The following LGSN variants were observed in gnomAD, a reference collection of about 807,000 sequenced individuals.
LGSN encodes lengsin, lens protein with glutamine synthetase domain.
In LGSN, 21 loss-of-function variants were observed where a neutral mutation model predicts 19.5. That is an observed-to-expected ratio of 1.07 (90% CI 0.76 to 1.55). LGSN has a LOEUF of 1.55. Among genes scored for constraint, LGSN ranks in the 40% most tolerant of loss-of-function variants. LGSN has a pLI of 0.00. For synonymous variants in LGSN, 257 were observed against 215.6 expected, an observed-to-expected ratio of 1.19 and a Z score of -1.68; for missense variants, 673 against 608.5, an observed-to-expected ratio of 1.11 and a Z score of -1.12.
chr6:63,367,300 C>G, the LGSN span, among the ~76,000 whole-genome samples: 1 of 152,122 alleles, frequency 6.6e-6, no homozygotes, highest in Non-Finnish European at 1.5e-5. Context: ...AGACACTTTC[C>G]AAAAGAAGAC....
the LGSN span, among the ~76,000 whole-genome samples, chr6:63,398,531 C>T: frequency 6.6e-6 from 1 of 151,766 alleles, no homozygotes; most frequent in African/African-American, 2.4e-5. Flanking sequence ...TTTGGCTGTA[C>T]AATGTGTTTG....
the LGSN span, chr6:63,440,739 G>A: frequency 6.5e-6 from 1 of 152,686 alleles, no homozygotes; most frequent in East Asian, 1.9e-4. Context: ...AAACCCTGGA[G>A]CCAGGTCCGT....
At chr6:63,551,640 A>C in the LGSN span, among the ~76,000 whole-genome samples, 1 of 151,902 alleles carries the variant, frequency 6.6e-6, no homozygotes, top group Non-Finnish European at 1.5e-5. Flanking sequence ...GCACCCATTA[A>C]CTTGTCGTTT....
the LGSN span, among the ~76,000 whole-genome samples, chr6:63,361,191 A>C: frequency 1.3e-5 from 2 of 152,260 alleles, no homozygotes; most frequent in Non-Finnish European, 2.9e-5. Context: ...GCTGTCAGAC[A>C]GGGACAAATA....
chr6:63,502,973 TA>T, the LGSN span, among the ~76,000 whole-genome samples: 5 of 152,234 alleles, frequency 3.3e-5, no homozygotes, highest in African/African-American at 1.2e-4. Flanking sequence ...CGATGTCAGA[TA>T]TTTTTTTAAA....
the LGSN span, among the ~76,000 whole-genome samples, chr6:63,326,716 C>A: frequency 6.6e-6 from 1 of 152,226 alleles, no homozygotes; most frequent in Admixed American, 6.5e-5. Context: ...CCTCATTGCC[C>A]AGGGCCAGCA....
the LGSN span, among the ~76,000 whole-genome samples, chr6:63,520,741 TTTA>T: frequency 4.6e-5 from 7 of 152,150 alleles, no homozygotes; most frequent in African/African-American, 1.7e-4. Context: ...GTGGTTTGTG[TTTA>T]TTATTTCCTT....
the LGSN span, among the ~76,000 whole-genome samples, chr6:63,381,570 G>GCAA: frequency 6.6e-6 from 1 of 152,178 alleles, no homozygotes; most frequent in Non-Finnish European, 1.5e-5. Flanking sequence ...CCTTCTCAGT[G>GCAA]CAACTGGTTA....
the LGSN span, among the ~76,000 whole-genome samples, chr6:63,530,459 A>G: frequency 6.6e-6 from 1 of 152,176 alleles, no homozygotes; most frequent in Non-Finnish European, 1.5e-5. Flanking sequence ...GGTAAACATG[A>G]AGGCTTAGAC....
At chr6:63,349,891 T>G in the LGSN span, among the ~76,000 whole-genome samples, 1 of 152,234 alleles carries the variant, frequency 6.6e-6, no homozygotes, top group Non-Finnish European at 1.5e-5. Context: ...AACAATCCAC[T>G]TCTCAACGCA....
At chr6:63,445,649 C>T in the LGSN span, among the ~76,000 whole-genome samples, 1 of 151,960 alleles carries the variant, frequency 6.6e-6, no homozygotes, top group Non-Finnish European at 1.5e-5. Flanking sequence ...AAAGAAGAAT[C>T]TCATGCCTTG....
In LGSN at chr6:63,276,429, C is replaced by G. The variant is rs181323837; in HGVS notation, c.*3592G>C. Reference sequence around the variant, plus strand: ...TTAATTTCTAGTCTTAAAATATTATCGCTTTTAATTTACATTTCTTATGTA... The same window carrying G: ...TTAATTTCTAGTCTTAAAATATTATGGCTTTTAATTTACATTTCTTATGTA... On this transcript the variant is annotated 3_prime_UTR_variant, in exon 4 of 4. Transcript: ENST00000370657. 1 of 152,140 alleles carries G rather than the reference C, an allele frequency of 6.6e-6. No homozygotes were observed. Among genetic ancestry groups the G allele is most frequent in the South Asian group, 2.1e-4 (1 of 4,830 alleles). The allele number at this position is 152,140 out of a possible 1,614,324, so 9.4% of individuals were successfully genotyped here.
the LGSN span, among the ~76,000 whole-genome samples, chr6:63,516,905 C>G: frequency 3.3e-5 from 5 of 152,170 alleles, no homozygotes; most frequent in Admixed American, 2.6e-4. Context: ...AGGTATTAGA[C>G]AGAAAGAGAT....
At chr6:63,446,312 G>A in the LGSN span, among the ~76,000 whole-genome samples, 1 of 147,216 alleles carries the variant, frequency 6.8e-6, no homozygotes, top group Non-Finnish European at 1.5e-5. Flanking sequence ...TGACTGGATT[G>A]CCTCCCCATC....
the LGSN span, among the ~76,000 whole-genome samples, chr6:63,408,163 G>A: frequency 6.6e-6 from 1 of 152,124 alleles, no homozygotes. Flanking sequence ...TTTCTTTGCA[G>A]AATTGGAAAA....
the LGSN span, among the ~76,000 whole-genome samples, chr6:63,541,719 C>T: frequency 6.6e-6 from 1 of 152,100 alleles, no homozygotes; most frequent in Non-Finnish European, 1.5e-5. Flanking sequence ...TGTCTCCATC[C>T]AACTCCATTA....
At chr6:63,315,857 A>C (rs1011792008) in intron 1 of LGSN, among the ~76,000 whole-genome samples, 3 of 151,638 alleles carry the variant, frequency 2.0e-5, no homozygotes, top group Non-Finnish European at 4.4e-5. Flanking sequence ...ACAGAAAACT[A>C]AGGAAATCCA....
chr6:63,512,917 C>T, the LGSN span, among the ~76,000 whole-genome samples: 2 of 152,180 alleles, frequency 1.3e-5, no homozygotes, highest in African/African-American at 4.8e-5. Context: ...GGGCACTGTT[C>T]TCCGTACTAA....
chr6:63,556,043 CAA>C, the LGSN span, among the ~76,000 whole-genome samples: 2 of 152,122 alleles, frequency 1.3e-5, no homozygotes, highest in East Asian at 3.9e-4. Context: ...ACAATAAAGA[CAA>C]TAGAAATATT....
Sources: allele counts gnomAD v4.1 joint callset (sites outside exome capture counted in the v4.1 genomes callset), GRCh38; gene constraint gnomAD v4.1.1; transcripts MANE v1.5; gene names NCBI Gene and HGNC (gene_info 2026-07-23, HGNC 2026-07-21).